The following COPB1 variants were observed in gnomAD, a reference collection of about 807,000 sequenced individuals.
The protein encoded by COPB1 is coatomer subunit beta.
COPB1 carries 21 observed loss-of-function variants against 108.7 expected under a neutral mutation model. The ratio of observed to expected loss-of-function variants is 0.19; its 90% CI spans 0.14 to 0.28. The LOEUF (loss-of-function observed/expected upper bound fraction) is 0.28. Among genes scored for constraint, COPB1 ranks in the 10% least tolerant of loss-of-function variants. COPB1 has a pLI of 1.00. For synonymous variants in COPB1, 378 were observed against 386.8 expected, an observed-to-expected ratio of 0.98 and a Z score of 0.27; for missense variants, 919 against 1,141.3, an observed-to-expected ratio of 0.81 and a Z score of 2.81.
chr11:14,483,037 G>C lies in COPB1; in HGVS notation c.952C>G (p.Leu318Val). 2 of 1,562,730 alleles carry C rather than the reference G, an allele frequency of 1.3e-6. No homozygotes were observed. Among genetic ancestry groups the C allele is most frequent in the South Asian group, 2.3e-5 (2 of 86,918 alleles). Residue 318 changes from leucine to valine, a missense_variant, in exon 8 of 22, where the codon CTA becomes GTA. Coordinates refer to ENST00000439561, the MANE Select transcript of COPB1 (RefSeq NM_001144061.2). Reference protein sequence around the residue: ...LKEHPAHERVLQDLVMDILRV... With the variant: ...LKEHPAHERVVQDLVMDILRV... ...CTTTTTCAGATAACACTTACCTGTA[G>C]TACTCGTTCATGAGCAGGATGCTCT...
At chr11:14,475,691 C>A in intron 13 of COPB1, 94 bp downstream of exon 13, 1 of 1,297,134 alleles carries the variant, frequency 7.7e-7, no homozygotes, top group Non-Finnish European at 1.0e-6. Flanking sequence ...ATTTTGGTTG[C>A]AAAAGCAAGA....
intron 4 of COPB1, among the ~76,000 whole-genome samples, chr11:14,491,835 G>A (rs988952151): frequency 1.3e-5 from 2 of 152,152 alleles, no homozygotes; most frequent in Non-Finnish European, 2.9e-5. Context: ...TACATTTTAA[G>A]CATATCAATA....
chr11:14,470,537 T>C (rs1850376686), intron 14 of COPB1, among the ~76,000 whole-genome samples: 1 of 152,224 alleles, frequency 6.6e-6, no homozygotes, highest in South Asian at 2.1e-4. Flanking sequence ...TTTAGTCTCA[T>C]GTAGCATTAT....
At position 14,458,207 on chromosome 11, in the gene COPB1, G is replaced by A. The variant is rs376124362; in HGVS notation, c.2803-324C>T. Among the ~76,000 whole-genome samples, 28 of 150,888 alleles carry A rather than the reference G, an allele frequency of 1.9e-4. No individual in the cohort carries two copies. The East Asian group carries it at 5.3e-3, about 29-fold the overall frequency. On this transcript the variant is annotated intron_variant, in intron 21 of 21. Coordinates refer to ENST00000439561, the MANE Select transcript of COPB1 (RefSeq NM_001144061.2). ...CAATTCTCCTGCCTCAGCCTCCCGAGTAGCTGGGATTACCGGGTGTGCGCT... is the reference window on the plus strand; with the variant it reads ...CAATTCTCCTGCCTCAGCCTCCCGAATAGCTGGGATTACCGGGTGTGCGCT...
At chr11:14,497,009 C>G (rs559694858) in intron 2 of COPB1, among the ~76,000 whole-genome samples, 1 of 152,192 alleles carries the variant, frequency 6.6e-6, no homozygotes, top group Non-Finnish European at 1.5e-5. Context: ...AAACTTGTCC[C>G]CCATCTCTCA....
intron 1 of COPB1, 79 bp downstream of exon 1, chr11:14,499,628 C>G (rs935934021): frequency 5.3e-5 from 8 of 150,266 alleles, no homozygotes; most frequent in African/African-American, 2.0e-4. Context: ...TCTGCCAGGC[C>G]CAGACGCAAG....
chr11:14,483,140 C>T lies in COPB1; in HGVS notation c.849G>A (p.Gln283=), dbSNP rs1233692733. The stretch of plus-strand genomic sequence containing the variant: ...CCTTAATAATTAAATCAATGTAACA[C>T]TGAGCAGCAGCCTATATAAAAAAAG... ...SAPTAIKAAA[Q]CYIDLIIKES... is the part of the protein sequence containing the mutation. The change falls in exon 8 of 22, where the codon CAG becomes CAA. Residue 283 remains glutamine (Q), a synonymous_variant. Coordinates refer to ENST00000439561, the MANE Select transcript of COPB1 (RefSeq NM_001144061.2). 1 of 1,563,160 alleles carries T rather than the reference C, an allele frequency of 6.4e-7. No individual in the cohort carries two copies. The highest frequency in any genetic ancestry group is 1.1e-5 in the South Asian group (1 of 87,286).
Position 14,477,067 on chromosome 11 carries a change from A to C in COPB1, c.1359-52T>G, listed in dbSNP as rs750975202. 4 of 1,210,962 alleles carry C rather than the reference A, an allele frequency of 3.3e-6. No individual in the cohort carries two copies. In the East Asian group the frequency reaches 9.3e-5, roughly 28 times the overall value. The allele number at this position is 1,210,962 out of a possible 1,614,324, so 75.0% of individuals were successfully genotyped here. On this transcript the variant is annotated intron_variant, in intron 11 of 21. Coordinates refer to ENST00000439561, the MANE Select transcript of COPB1 (RefSeq NM_001144061.2). ...GAACTTGGCAGACAAATCTTGAAGC[A>C]GAGATCTTTCTTTGTTAATTTAAGC... is the stretch of plus-strand genomic sequence containing the variant.
chr11:14,474,835 C>T (rs902739838), intron 13 of COPB1, among the ~76,000 whole-genome samples: 1 of 152,136 alleles, frequency 6.6e-6, no homozygotes, highest in African/African-American at 2.4e-5. Context: ...GTGGCTCACA[C>T]CTGTAATCCC....
intron 14 of COPB1, 113 bp downstream of exon 14, chr11:14,474,382 A>G: frequency 3.3e-6 from 3 of 905,424 alleles, no homozygotes; most frequent in Admixed American, 2.8e-5. Context: ...ATTAAATCAT[A>G]AACTCTTTCA....
chr11:14,485,260 G>A (rs1364683656), intron 7 of COPB1, among the ~76,000 whole-genome samples: 2 of 151,922 alleles, frequency 1.3e-5, no homozygotes, highest in African/African-American at 2.4e-5. Flanking sequence ...GGCCTCAAAC[G>A]ATCATCCCAC....
chr11:14,467,666 A>T (rs1325737492), intron 16 of COPB1, among the ~76,000 whole-genome samples: 2 of 152,242 alleles, frequency 1.3e-5, no homozygotes. Flanking sequence ...ATATGGATAA[A>T]CAAAATGTGG....
intron 3 of COPB1, 28 bp from the exon 4 acceptor site, chr11:14,493,839 C>T (rs1317323718): frequency 3.4e-6 from 5 of 1,489,568 alleles, no homozygotes; most frequent in African/African-American, 2.9e-5. Flanking sequence ...ATATGAAATG[C>T]TGAGTTTCAG....
At chr11:14,493,356 A>G (rs1589969317) in intron 4 of COPB1, among the ~76,000 whole-genome samples, 2 of 152,328 alleles carry the variant, frequency 1.3e-5, no homozygotes. Flanking sequence ...AGTGGCTTGG[A>G]GTAATACGGT....
At chr11:14,458,488 CT>C (rs1390792743) in intron 21 of COPB1, 43 bp downstream of exon 21, 1 of 1,549,402 alleles carries the variant, frequency 6.5e-7, no homozygotes, top group Admixed American at 2.1e-5. Flanking sequence ...TTCCTCCCCC[CT>C]TTGTCAGTCC....
intron 7 of COPB1, 71 bp downstream of exon 7, chr11:14,486,296 T>C: frequency 1.3e-6 from 2 of 1,533,128 alleles, no homozygotes; most frequent in South Asian, 2.3e-5. Context: ...TGAATTGAAA[T>C]GTCACTAAAT....
chr11:14,477,446 CA>C (rs201798668), intron 11 of COPB1, among the ~76,000 whole-genome samples: 2,455 of 148,792 alleles, frequency 0.016, 69 homozygotes, highest in African/African-American at 0.058. Context: ...AATCCTAGCA[CA>C]TTCGGAGGCT....
At chr11:14,484,590 C>T (rs1043120021) in intron 7 of COPB1, among the ~76,000 whole-genome samples, 22 of 152,016 alleles carry the variant, frequency 1.4e-4, no homozygotes, top group African/African-American at 5.1e-4. Flanking sequence ...TGGTGGCATG[C>T]GCCTGTAGTC....
intron 7 of COPB1, among the ~76,000 whole-genome samples, chr11:14,484,067 G>C (rs1468887817): frequency 1.3e-5 from 2 of 152,148 alleles, no homozygotes; most frequent in Admixed American, 1.3e-4. Context: ...CACTTCTGTG[G>C]TATTCTTTCC....
Sources: allele counts gnomAD v4.1 joint callset (sites outside exome capture counted in the v4.1 genomes callset), GRCh38; gene constraint gnomAD v4.1.1; transcripts MANE v1.5; gene names NCBI Gene and HGNC (gene_info 2026-07-23, HGNC 2026-07-21).